RALGAPA1: variants seen among roughly 807,000 people sequenced by gnomAD.
The protein encoded by RALGAPA1 is Ral GTPase activating protein catalytic subunit alpha 1, also known as ral GTPase-activating protein subunit alpha-1.
A neutral mutation model predicts 269.6 loss-of-function variants in RALGAPA1; 52 were observed. That is an observed-to-expected ratio of 0.19 (90% CI 0.15 to 0.24). RALGAPA1 has a LOEUF of 0.24. Ranked by LOEUF, RALGAPA1 falls within the 10% of genes least tolerant of loss-of-function variation. The pLI is 1.00. For synonymous variants in RALGAPA1, 817 were observed against 1,008.3 expected, an observed-to-expected ratio of 0.81 and a Z score of 3.60; for missense variants, 1,917 against 3,013.9, an observed-to-expected ratio of 0.64 and a Z score of 8.52.
intron 4 of RALGAPA1, among the ~76,000 whole-genome samples, chr14:35,770,644 A>G (rs1230421644): frequency 2.6e-5 from 4 of 152,186 alleles, no homozygotes; most frequent in South Asian, 2.1e-4. Context: ...GAGATTTCTG[A>G]TATCAGGAGA....
chr14:35,639,019 TA>T (rs1417188382), intron 31 of RALGAPA1, among the ~76,000 whole-genome samples: 1 of 151,818 alleles, frequency 6.6e-6, no homozygotes, highest in Admixed American at 6.6e-5. Flanking sequence ...CTGAACAGAT[TA>T]AAAAAATAAA....
chr14:35,744,611 A>G (rs2071876291), intron 10 of RALGAPA1, among the ~76,000 whole-genome samples: 1 of 152,192 alleles, frequency 6.6e-6, no homozygotes, highest in Admixed American at 6.5e-5. Flanking sequence ...CAATATCAAC[A>G]GAATATTTAT....
chr14:35,742,595 G>A, intron 10 of RALGAPA1, 30 bp from the exon 11 acceptor site: 1 of 1,508,084 alleles, frequency 6.6e-7, no homozygotes, highest in Non-Finnish European at 9.2e-7. Flanking sequence ...TCAAGATAAT[G>A]ATACTTTTTC....
At chr14:35,756,453 G>C (rs1199168261) in intron 7 of RALGAPA1, 1 of 157,776 alleles carries the variant, frequency 6.3e-6, no homozygotes, top group Non-Finnish European at 1.4e-5. Context: ...GATGAATAGA[G>C]GGATACAGGG....
chr14:35,785,163 AT>A (rs2075709059), intron 1 of RALGAPA1, among the ~76,000 whole-genome samples: 1 of 152,258 alleles, frequency 6.6e-6, no homozygotes, highest in Non-Finnish European at 1.5e-5. Context: ...ATAATTAAAC[AT>A]ATGGTATCTG....
intron 4 of RALGAPA1, among the ~76,000 whole-genome samples, chr14:35,769,874 A>G (rs2074484629): frequency 6.6e-6 from 1 of 152,188 alleles, no homozygotes; most frequent in African/African-American, 2.4e-5. Context: ...TTTATCAACT[A>G]TTTAAAGAAG....
chr14:35,588,950 T>C (rs1234841232), intron 37 of RALGAPA1, among the ~76,000 whole-genome samples: 1 of 152,216 alleles, frequency 6.6e-6, no homozygotes, highest in Non-Finnish European at 1.5e-5. Context: ...TCCTGTCATT[T>C]ATAAAAACAC....
At chr14:35,591,940 CT>C (rs2058665408) in intron 37 of RALGAPA1, among the ~76,000 whole-genome samples, 1 of 152,144 alleles carries the variant, frequency 6.6e-6, no homozygotes, top group South Asian at 2.1e-4. Flanking sequence ...CCTTTGTTCG[CT>C]CTCTTGCCTG....
At chr14:35,802,804 C>T (rs1372634230) in intron 1 of RALGAPA1, among the ~76,000 whole-genome samples, 1 of 151,958 alleles carries the variant, frequency 6.6e-6, no homozygotes. Context: ...ACCTCAGCCT[C>T]CCAGGTGACT....
intron 28 of RALGAPA1, among the ~76,000 whole-genome samples, chr14:35,658,450 G>GAGT (rs2063338906): frequency 6.6e-6 from 1 of 151,966 alleles, no homozygotes; most frequent in Admixed American, 6.6e-5. Flanking sequence ...TAGATCTGAG[G>GAGT]AGTAGTAGCA....
intron 1 of RALGAPA1, among the ~76,000 whole-genome samples, chr14:35,789,017 T>C (rs1284156115): frequency 1.3e-5 from 2 of 152,112 alleles, no homozygotes; most frequent in Admixed American, 1.3e-4. Context: ...CATGAAAAGA[T>C]ACACATCTGC....
intron 37 of RALGAPA1, among the ~76,000 whole-genome samples, chr14:35,582,135 T>C (rs1231417838): frequency 6.6e-6 from 1 of 152,176 alleles, no homozygotes; most frequent in Non-Finnish European, 1.5e-5. Flanking sequence ...AGGACACATA[T>C]TTTATGATTC....
chr14:35,662,489 C>T (rs2063606915), intron 27 of RALGAPA1, among the ~76,000 whole-genome samples: 1 of 152,076 alleles, frequency 6.6e-6, no homozygotes, highest in African/African-American at 2.4e-5. Context: ...TTGCTTTCTT[C>T]ATTATTATTA....
intron 35 of RALGAPA1, among the ~76,000 whole-genome samples, chr14:35,623,700 A>C (rs1024449250): frequency 6.6e-6 from 1 of 152,226 alleles, no homozygotes; most frequent in African/African-American, 2.4e-5. Flanking sequence ...TTTGACCTAA[A>C]TAATTCTATT....
At position 35,727,199 on chromosome 14, in the gene RALGAPA1, T is replaced by G. The variant is rs539272983; in HGVS notation, c.1736+1163A>C. Among the ~76,000 whole-genome samples, 208 of 151,232 alleles carry G rather than the reference T, an allele frequency of 1.4e-3. 1 individual carries two copies. In the South Asian group the frequency reaches 0.017, roughly 13 times the overall value. ...TATACCTAATTTATGTTTTGCCACATGTAGAGGAAAATAAAATACATATAA... is the reference window on the plus strand; with the variant it reads ...TATACCTAATTTATGTTTTGCCACAGGTAGAGGAAAATAAAATACATATAA... On this transcript the variant is annotated intron_variant, in intron 13 of 41. Transcript: ENST00000680220.
At chr14:35,679,924 A>C (rs1418109762) in intron 21 of RALGAPA1, among the ~76,000 whole-genome samples, 1 of 152,220 alleles carries the variant, frequency 6.6e-6, no homozygotes, top group Non-Finnish European at 1.5e-5. Context: ...GTAGGTGAAA[A>C]GTTTCCTTTC....
chr14:35,724,907 T>A (rs1256050167), intron 14 of RALGAPA1, 117 bp downstream of exon 14: 1 of 813,754 alleles, frequency 1.2e-6, no homozygotes, highest in East Asian at 3.2e-5. Context: ...ATTTAAAACT[T>A]TTTTTTCTGG....
At chr14:35,766,019 A>T in intron 4 of RALGAPA1, 1 of 1,391,922 alleles carries the variant, frequency 7.2e-7, no homozygotes, top group Non-Finnish European at 1.0e-6. Context: ...TTGAGAATGA[A>T]GATTCAGACT....
chr14:35,710,962 A>G (rs1331365572), intron 16 of RALGAPA1, among the ~76,000 whole-genome samples: 1 of 152,228 alleles, frequency 6.6e-6, no homozygotes, highest in Non-Finnish European at 1.5e-5. Flanking sequence ...CGATGTTCGC[A>G]CACTGAAGAA....
Sources: allele counts gnomAD v4.1 joint callset (sites outside exome capture counted in the v4.1 genomes callset), GRCh38; gene constraint gnomAD v4.1.1; transcripts MANE v1.5; gene names NCBI Gene and HGNC (gene_info 2026-07-23, HGNC 2026-07-21).